The following PPM1H variants were observed in gnomAD, a reference collection of about 807,000 sequenced individuals.
The protein encoded by PPM1H is protein phosphatase, Mg2+/Mn2+ dependent 1H, also known as protein phosphatase 1H.
PPM1H carries 27 observed loss-of-function variants against 54.9 expected under a neutral mutation model. The observed-to-expected ratio is 0.49, with a 90% CI of 0.36 to 0.68. The LOEUF (loss-of-function observed/expected upper bound fraction) is 0.68, where lower values mean the gene tolerates loss of function less well. Among genes scored for constraint, PPM1H ranks in the 30% least tolerant of loss-of-function variants. The probability of loss-of-function intolerance (pLI) is 0.00; values close to 1 mark genes in which losing one functional copy is unlikely to be tolerated. For synonymous variants in PPM1H, 305 were observed against 270.8 expected, an observed-to-expected ratio of 1.13 and a Z score of -1.24; for missense variants, 596 against 667.8, an observed-to-expected ratio of 0.89 and a Z score of 1.19.
At chr12:62,732,686 C>T (rs2076328862) in intron 5 of PPM1H, among the ~76,000 whole-genome samples, 1 of 151,780 alleles carries the variant, frequency 6.6e-6, no homozygotes, top group Non-Finnish European at 1.5e-5. Context: ...ATTCTCCTGC[C>T]TCAGCCTCCC....
intron 6 of PPM1H, among the ~76,000 whole-genome samples, chr12:62,716,795 G>A (rs2076237089): frequency 6.6e-6 from 1 of 152,056 alleles, no homozygotes; most frequent in Non-Finnish European, 1.5e-5. Flanking sequence ...CTCTCAAAGT[G>A]CTAGGATTAT....
chr12:62,839,600 G>C (rs1225874834), intron 1 of PPM1H, among the ~76,000 whole-genome samples: 1 of 151,472 alleles, frequency 6.6e-6, no homozygotes, highest in Non-Finnish European at 1.5e-5. Context: ...GACCAGCCTG[G>C]CCTCATGGGC....
At chr12:62,717,668 C>T (rs2076243039) in intron 6 of PPM1H, among the ~76,000 whole-genome samples, 1 of 151,276 alleles carries the variant, frequency 6.6e-6, no homozygotes, top group South Asian at 2.1e-4. Flanking sequence ...AAAACAAAAA[C>T]AAAAAACAAA....
At chr12:62,819,970 G>T (rs1286190639) in intron 2 of PPM1H, among the ~76,000 whole-genome samples, 5 of 152,214 alleles carry the variant, frequency 3.3e-5, no homozygotes, top group Non-Finnish European at 5.9e-5. Context: ...GCAGGGTGGG[G>T]CATTGCCTCA....
intron 1 of PPM1H, among the ~76,000 whole-genome samples, chr12:62,873,826 C>A (rs981941953): frequency 6.6e-6 from 1 of 152,068 alleles, no homozygotes; most frequent in Non-Finnish European, 1.5e-5. Context: ...TTACAAATTA[C>A]GATAATTGCC....
At chr12:62,892,213 A>C (rs1013001364) in intron 1 of PPM1H, among the ~76,000 whole-genome samples, 2 of 152,208 alleles carry the variant, frequency 1.3e-5, no homozygotes, top group Non-Finnish European at 2.9e-5. Flanking sequence ...GAAAATAAGT[A>C]GCTACAGTTC....
intron 5 of PPM1H, among the ~76,000 whole-genome samples, chr12:62,730,048 C>A (rs1007814872): frequency 1.2e-4 from 18 of 152,124 alleles, no homozygotes; most frequent in Non-Finnish European, 2.9e-5. Flanking sequence ...CCCTACTGAG[C>A]ACCCTGTGAC....
rs1351096698 is a variant in PPM1H at position 62,689,755 on chromosome 12, G to A, written c.1189C>T (p.Leu397=). 3 of 1,613,734 alleles carry A rather than the reference G, an allele frequency of 1.9e-6. No individual in the cohort carries two copies. Among genetic ancestry groups the A allele is most frequent in the Non-Finnish European group, 2.5e-6 (3 of 1,179,864 alleles). The change falls in exon 8 of 10, where the codon CTG becomes TTG. Residue 397 remains leucine, a synonymous_variant. Transcript: ENST00000228705. ...TAGATGTTGGAGTCATGCACCTTCAGGTCATGGTCCCCAAGTCCCCTGGTC... is the reference window on the plus strand; with the variant it reads ...TAGATGTTGGAGTCATGCACCTTCAAGTCATGGTCCCCAAGTCCCCTGGTC... The part of the protein sequence containing the change: ...GVTRGLGDHD[L]KVHDSNIYIK...
intron 2 of PPM1H, among the ~76,000 whole-genome samples, chr12:62,818,378 C>T (rs1176011673): frequency 6.6e-6 from 1 of 151,946 alleles, no homozygotes. Flanking sequence ...TATAACCTTC[C>T]AAGTCAAAGG....
chr12:62,737,296 G>A (rs971508015), intron 5 of PPM1H, among the ~76,000 whole-genome samples: 18 of 151,710 alleles, frequency 1.2e-4, no homozygotes, highest in Non-Finnish European at 2.1e-4. Flanking sequence ...AAAATCAGCC[G>A]CAATAATAAA....
At chr12:62,906,727 G>C (rs2121128830) in intron 1 of PPM1H, among the ~76,000 whole-genome samples, 1 of 152,294 alleles carries the variant, frequency 6.6e-6, no homozygotes, top group East Asian at 1.9e-4. Context: ...AACAATAGAA[G>C]AAGATATGAG....
chr12:62,781,378 C>G (rs149836609), intron 4 of PPM1H, among the ~76,000 whole-genome samples: 1 of 152,202 alleles, frequency 6.6e-6, no homozygotes, highest in East Asian at 1.9e-4. Context: ...AGGGGAGACA[C>G]GGGTTCCAGG....
rs777262702 is a variant in PPM1H, at chr12:62,667,218, T to C, written c.1357A>G (p.Thr453Ala). The C allele has an allele frequency of 2.5e-6, 4 of 1,600,704 alleles. No individual in the cohort carries two copies. The highest frequency in any genetic ancestry group is 8.6e-7 in the Non-Finnish European group (1 of 1,167,984). Residue 453 changes from threonine (T) to alanine (A), a missense_variant, in exon 9 of 10, where the codon ACT becomes GCT. This residue lies in a region of PPM1H where 208 missense variants were observed against 259.5 expected (regional missense o/e 0.80). Transcript: ENST00000228705. ...GGATCACAGTTAGGAAGAAACTGAG[T>C]GATTGCTTCTGCTACTTCTTCATTT... is the stretch of plus-strand genomic sequence containing the variant. The part of the protein sequence containing the change: ...LSNEEVAEAI[T>A]QFLPNCDPDD...
In PPM1H at chr12:62,741,953, G is replaced by A. The variant is rs550873101; in HGVS notation, c.870-4367C>T. On this transcript the variant is annotated intron_variant, in intron 4 of 9. Coordinates refer to ENST00000228705, the MANE Select transcript of PPM1H (RefSeq NM_020700.2). ...AGTCTGAGCCCTTAAAAATCCATAC[G>A]CCTTTTTGTTGGTTTTGCAAAAAGA... Among the ~76,000 whole-genome samples, 92 of 151,826 alleles carry A rather than the reference G, an allele frequency of 6.1e-4. 1 individual carries two copies. Among genetic ancestry groups the A allele is most frequent in the African/African-American group, 2.2e-3 (90 of 41,394 alleles).
chr12:62,773,957 T>C (rs74098847), intron 4 of PPM1H, among the ~76,000 whole-genome samples: 2,178 of 152,188 alleles, frequency 0.014, 48 homozygotes, highest in African/African-American at 0.05. Flanking sequence ...CCTAACAAGA[T>C]TGAAGGGAAG....
intron 9 of PPM1H, among the ~76,000 whole-genome samples, chr12:62,650,392 T>C (rs1376312527): frequency 6.6e-6 from 1 of 152,218 alleles, no homozygotes; most frequent in African/African-American, 2.4e-5. Flanking sequence ...CTTTAAGTTA[T>C]TCTTGAGGGA....
chr12:62,854,680 T>C (rs1177168473), intron 1 of PPM1H, among the ~76,000 whole-genome samples: 2 of 152,024 alleles, frequency 1.3e-5, no homozygotes, highest in African/African-American at 4.8e-5. Flanking sequence ...GTAATCGCCA[T>C]GAAATCACGA....
At chr12:62,899,449 G>A (rs1204051134) in intron 1 of PPM1H, among the ~76,000 whole-genome samples, 1 of 152,084 alleles carries the variant, frequency 6.6e-6, no homozygotes, top group Admixed American at 6.6e-5. Context: ...CAATATAACT[G>A]AAACTAGATG....
intron 1 of PPM1H, among the ~76,000 whole-genome samples, chr12:62,842,589 C>T (rs192586511): frequency 1.3e-4 from 20 of 152,306 alleles, no homozygotes; most frequent in African/African-American, 4.6e-4. Context: ...AAATATTGGA[C>T]TATCTAGGCC....
Sources: allele counts gnomAD v4.1 joint callset (sites outside exome capture counted in the v4.1 genomes callset), GRCh38; gene constraint gnomAD v4.1.1; regional missense constraint gnomAD v4.1.1; transcripts MANE v1.5; gene names NCBI Gene and HGNC (gene_info 2026-07-23, HGNC 2026-07-21).